Variants in GK5 observed in about 807,000 individuals in gnomAD.
The protein encoded by GK5 is glycerol kinase 5, also known as ATP:glycerol 3-phosphotransferase 5.
In GK5, 39 loss-of-function variants were observed where a neutral mutation model predicts 77.3. That is an observed-to-expected ratio of 0.50 (90% CI 0.39 to 0.66). The LOEUF is 0.66. GK5 is among the 30% of genes least tolerant of loss of function. The pLI is 0.00. For missense variants in GK5, 487 were observed against 633.8 expected (o/e 0.77, Z 2.49); for synonymous variants, 211 against 208.0 (o/e 1.01, Z -0.13).
chr3:142,169,219 C>A (rs1484259283), intron 15 of GK5, among the ~76,000 whole-genome samples: 1 of 152,212 alleles, frequency 6.6e-6, no homozygotes, highest in Non-Finnish European at 1.5e-5. Flanking sequence ...AACCTACTGA[C>A]AAAGTTTCCT....
At chr3:142,180,305 TTC>T (rs2063676977) in intron 11 of GK5, among the ~76,000 whole-genome samples, 1 of 151,624 alleles carries the variant, frequency 6.6e-6, no homozygotes, top group South Asian at 2.1e-4. Flanking sequence ...TCTTTCTTTT[TTC>T]TTTTTTTTTT....
chr3:142,183,112 A>G (rs2063719633), intron 9 of GK5, 63 bp from the exon 10 acceptor site: 5 of 1,435,526 alleles, frequency 3.5e-6, no homozygotes, highest in African/African-American at 1.4e-5. Flanking sequence ...ATTATAGAGC[A>G]TTGTCTCACT....
At chr3:142,220,169 G>C (rs1023009321) in intron 1 of GK5, among the ~76,000 whole-genome samples, 2 of 151,978 alleles carry the variant, frequency 1.3e-5, no homozygotes, top group Non-Finnish European at 2.9e-5. Context: ...ACGGAGTCTC[G>C]CTGTGTTGCC....
In GK5 at chr3:142,159,853, C is replaced by CTCTCTCTTTTTTTTT. The variant is rs1553825247; in HGVS notation, c.*5768_*5769insAAAAAAAAAGAGAGA. ...TTTCTCTCTCTCTCTCTCTCTCTCT[C>CTCTCTCTTTTTTTTT]TTTTTTTTTTTTGAGACAGAGTCTC... On this transcript the variant is annotated 3_prime_UTR_variant, in exon 16 of 16. Transcript: ENST00000392993. 2 of 106,120 alleles carry CTCTCTCTTTTTTTTT rather than the reference C, an allele frequency of 1.9e-5. No individual in the cohort carries two copies. Among genetic ancestry groups the CTCTCTCTTTTTTTTT allele is most frequent in the Non-Finnish European group, 3.8e-5 (2 of 53,072 alleles). 6.6% of individuals were successfully genotyped at this position (106,120 alleles called of 1,614,324 possible).
At chr3:142,172,518 G>C in intron 12 of GK5, 62 bp from the exon 13 acceptor site, 1 of 835,094 alleles carries the variant, frequency 1.2e-6, no homozygotes, top group Non-Finnish European at 1.9e-6. Flanking sequence ...CGGACTTGAG[G>C]AAATACTATA....
chr3:142,204,701 A>G lies in GK5; in HGVS notation c.405T>C (p.Leu135=). The G allele has an allele frequency of 6.6e-7, 1 of 1,508,576 alleles. No homozygotes were observed. The highest frequency in any genetic ancestry group is 9.2e-7 in the Non-Finnish European group (1 of 1,085,774). 93.4% of individuals were successfully genotyped at this position (1,508,576 alleles called of 1,614,324 possible). ...ELVKSWNNSL[L]MKIFHSSCRV... ...CACACAAGAAAAAGATTACCTTCAT[A>G]AGAAGAGAATTATTCCAAGATTTTA... Residue 135 remains leucine (L), a synonymous_variant, in exon 4 of 16, where the codon CTT becomes CTC. Coordinates refer to ENST00000392993, the MANE Select transcript of GK5 (RefSeq NM_001039547.3).
At chr3:142,192,229 C>T (rs938214976) in intron 5 of GK5, among the ~76,000 whole-genome samples, 2 of 152,118 alleles carry the variant, frequency 1.3e-5, no homozygotes, top group Non-Finnish European at 1.5e-5. Flanking sequence ...GGCAAGGATA[C>T]GGAGCAAGAG....
At chr3:142,216,018 C>T (rs963317928) in intron 1 of GK5, among the ~76,000 whole-genome samples, 1 of 152,096 alleles carries the variant, frequency 6.6e-6, no homozygotes, top group African/African-American at 2.4e-5. Flanking sequence ...AAAGTGAATT[C>T]CAGTTCAGAC....
intron 12 of GK5, 42 bp downstream of exon 12, chr3:142,177,440 G>C (rs1157146768): frequency 8.6e-7 from 1 of 1,161,448 alleles, no homozygotes. Context: ...GGCAGGAGGA[G>C]AAAAATATTT....
chr3:142,198,083 T>C (rs185847297), intron 5 of GK5, among the ~76,000 whole-genome samples: 11 of 151,008 alleles, frequency 7.3e-5, no homozygotes, highest in Non-Finnish European at 1.2e-4. Context: ...TCCATTCCTA[T>C]GTATAGACAT....
intron 15 of GK5, among the ~76,000 whole-genome samples, chr3:142,167,278 G>A (rs62282068): frequency 0.12 from 18,372 of 152,036 alleles, 1,367 homozygotes; most frequent in African/African-American, 0.21. Context: ...GGAGGCTGAA[G>A]CACGAGAATC....
chr3:142,171,419 C>A lies in GK5; in HGVS notation c.1307G>T (p.Arg436Leu). ...KEIHIPVRKI[R>L]ADGGVCKNGF... The stretch of plus-strand genomic sequence containing the variant: ...TCTATTAGAAATAAACTTTACATAC[C>A]GGATTTTTCTTACAGGAATATGAAT... Residue 436 changes from arginine (R) to leucine (L), a missense_variant and splice_region_variant, in exon 14 of 16, where the codon CGG becomes CTG. Transcript: ENST00000392993. 1 of 1,477,770 alleles carries A rather than the reference C, an allele frequency of 6.8e-7. No homozygotes were observed. Among genetic ancestry groups the A allele is most frequent in the Middle Eastern group, 2.2e-4 (1 of 4,526 alleles). 91.5% of individuals were successfully genotyped at this position (1,477,770 alleles called of 1,614,324 possible). A position where few individuals can be genotyped will look rare whatever the true frequency, so the allele number is the denominator to read the frequency against.
chr3:142,186,035 T>C lies in GK5; in HGVS notation c.756-46A>G, dbSNP rs184539131. 1.3e-4 allele frequency: 197 copies of C among 1,470,162 alleles called. No homozygotes were observed. In the East Asian group the frequency reaches 4.1e-3, roughly 31 times the overall value. The allele number at this position is 1,470,162 out of a possible 1,614,324, so 91.1% of individuals were successfully genotyped here. On this transcript the variant is annotated intron_variant, in intron 8 of 15. Transcript: ENST00000392993. ...AAAGTTAGTTACAGCTCTAGAAATA[T>C]TAGTTTTAAAACTCAGCAAATTGTT... is the stretch of plus-strand genomic sequence containing the variant.
Position 142,205,245 on chromosome 3 carries a change from TAGAAATTC to T in GK5, c.318-465_318-458del, listed in dbSNP as rs545621287. ...TGCTTACCAAAATCTCTCCAATAAA[TAGAAATTC>T]AACAACTCTTGGGTCAATACTACAA... On this transcript the variant is annotated intron_variant, in intron 3 of 15. Coordinates refer to ENST00000392993, the MANE Select transcript of GK5 (RefSeq NM_001039547.3). 2.2e-4 allele frequency among the ~76,000 whole-genome samples: 33 copies of T among 152,168 alleles called. 1 individual carries two copies. In the South Asian group the frequency reaches 6.8e-3, roughly 32 times the overall value.
chr3:142,180,271 T>C (rs1193352176), intron 11 of GK5, among the ~76,000 whole-genome samples: 8 of 151,972 alleles, frequency 5.3e-5, no homozygotes, highest in Middle Eastern at 3.4e-3. Flanking sequence ...GATGAGACGT[T>C]AAGAAAATCC....
At chr3:142,173,094 GGGAGGCTGAGGT>G (rs1400477287) in intron 12 of GK5, 6 of 372,872 alleles carry the variant, frequency 1.6e-5, no homozygotes, top group Admixed American at 3.5e-5. Context: ...ACAGCTACTT[GGGAGGCTGAGGT>G]GGAAGGATTG....
chr3:142,223,219 T>C (rs2064378515), intron 1 of GK5, among the ~76,000 whole-genome samples: 1 of 152,234 alleles, frequency 6.6e-6, no homozygotes, highest in South Asian at 2.1e-4. Context: ...CTGTGAAACT[T>C]TGCATTTTCT....
At chr3:142,186,346 G>A in intron 7 of GK5, 79 bp from the exon 8 acceptor site, 1 of 991,562 alleles carries the variant, frequency 1.0e-6, no homozygotes, top group South Asian at 1.5e-5. Context: ...ACATCATGTT[G>A]TACATGATAT....
chr3:142,204,547 G>A (rs1190449821), intron 4 of GK5, 148 bp downstream of exon 4: 5 of 704,508 alleles, frequency 7.1e-6, no homozygotes, highest in South Asian at 5.8e-5. Context: ...GCCTTTGATT[G>A]GCTATTATTA....
Sources: gnomAD v4.1 joint callset for allele counts (sites outside exome capture counted in the v4.1 genomes callset) on GRCh38, gnomAD v4.1.1 for gene constraint, MANE v1.5 for transcripts, NCBI Gene and HGNC (gene_info 2026-07-23, HGNC 2026-07-21) for gene names.